The following STN1 variants were observed in gnomAD, a reference collection of about 807,000 sequenced individuals.
STN1 encodes the protein STN1 subunit of CST complex, also known as CST complex subunit STN1.
Under a neutral mutation model 45.5 loss-of-function variants are expected in STN1, and 29 were observed. The observed-to-expected ratio is 0.64, with a 90% CI of 0.47 to 0.87. STN1 has a LOEUF of 0.87. STN1 is among the 40% of genes least tolerant of loss of function. The pLI, the probability that STN1 is intolerant of heterozygous loss-of-function variation, is 0.00. For synonymous variants in STN1, 148 were observed against 159.0 expected, an observed-to-expected ratio of 0.93 and a Z score of 0.52; for missense variants, 376 against 441.4, an observed-to-expected ratio of 0.85 and a Z score of 1.33.
intron 2 of STN1, among the ~76,000 whole-genome samples, chr10:103,912,987 T>C (rs960228633): frequency 2.6e-5 from 4 of 152,228 alleles, no homozygotes; most frequent in Non-Finnish European, 5.9e-5. Flanking sequence ...CTGAAATGTC[T>C]TTCCAGTTGG....
chr10:103,891,089 C>G (rs1843136663), intron 8 of STN1, among the ~76,000 whole-genome samples: 1 of 152,224 alleles, frequency 6.6e-6, no homozygotes, highest in African/African-American at 2.4e-5. Context: ...TGACCAAAAG[C>G]TTAAATGGCC....
intron 8 of STN1, among the ~76,000 whole-genome samples, chr10:103,891,431 C>T (rs1843138790): frequency 6.6e-6 from 1 of 152,192 alleles, no homozygotes; most frequent in African/African-American, 2.4e-5. Context: ...AGATACCCGG[C>T]AATGTCCAGG....
intron 7 of STN1, 131 bp downstream of exon 7, chr10:103,897,417 T>C: frequency 1.3e-6 from 1 of 795,404 alleles, no homozygotes. Flanking sequence ...AAATAATGTG[T>C]GACAGAACCA....
At chr10:103,905,299 C>T (rs1369409371) in intron 3 of STN1, 143 bp from the exon 4 acceptor site, 1 of 731,832 alleles carries the variant, frequency 1.4e-6, no homozygotes, top group African/African-American at 1.7e-5. Flanking sequence ...TCTCCTTCCA[C>T]CTTTGAAACA....
rs1589494415 is a variant in STN1, at chr10:103,881,448, C to T, written c.*1236G>A. On this transcript the variant is annotated 3_prime_UTR_variant, in exon 10 of 10. Coordinates refer to ENST00000224950, the MANE Select transcript of STN1 (RefSeq NM_024928.5). ...ACACAGAGAAGATGCAGGGCAGCCACTACATAATCACTGTTAGAAATCAGC... is the reference window on the plus strand; with the variant it reads ...ACACAGAGAAGATGCAGGGCAGCCATTACATAATCACTGTTAGAAATCAGC... Among the ~76,000 whole-genome samples, 1 of 152,220 alleles carries T rather than the reference C, an allele frequency of 6.6e-6. No individual in the cohort carries two copies. Among genetic ancestry groups the T allele is most frequent in the Non-Finnish European group, 1.5e-5 (1 of 68,040 alleles).
rs991192480 is a variant in STN1, at chr10:103,899,115, T to C, written c.458-115A>G. 4 of 1,117,044 alleles carry C rather than the reference T, an allele frequency of 3.6e-6. No homozygotes were observed. In the East Asian group the frequency reaches 1.0e-4, roughly 29 times the overall value. 69.2% of individuals were successfully genotyped at this position (1,117,044 alleles called of 1,614,324 possible). On this transcript the variant is annotated intron_variant, in intron 5 of 9. Transcript: ENST00000224950. ...CAGTAAATGAGGTGCTGGGTGGGCCTCCTTCCTTGTGAGTGCCCAGGGATC... is the reference window on the plus strand; with the variant it reads ...CAGTAAATGAGGTGCTGGGTGGGCCCCCTTCCTTGTGAGTGCCCAGGGATC...
chr10:103,895,810 G>A (rs1356520229), intron 7 of STN1, among the ~76,000 whole-genome samples: 1 of 152,174 alleles, frequency 6.6e-6, no homozygotes, highest in Non-Finnish European at 1.5e-5. Flanking sequence ...TGTTGGTGAT[G>A]GCAAGAGATC....
intron 5 of STN1, among the ~76,000 whole-genome samples, chr10:103,899,738 G>T (rs959873498): frequency 2.0e-5 from 3 of 152,024 alleles, no homozygotes; most frequent in Non-Finnish European, 4.4e-5. Context: ...TTATTTTGAA[G>T]AATATTCATA....
At chr10:103,897,883 T>C (rs982414563) in intron 6 of STN1, among the ~76,000 whole-genome samples, 164 bp from the exon 7 acceptor site, 4 of 152,122 alleles carry the variant, frequency 2.6e-5, no homozygotes, top group African/African-American at 9.7e-5. Flanking sequence ...TTGTTTAAAA[T>C]GATGAGGCAG....
At position 103,917,676 on chromosome 10, in the gene STN1, G is replaced by C. The variant is rs1843343449; in HGVS notation, c.-62-20C>G. On this transcript the variant is annotated intron_variant, in intron 1 of 9. Transcript: ENST00000224950. ...AAGCATCTAGATGGGACACAGAAAT[G>C]AGGATGCAATGCGTTTAACGTGGGT... 2 of 1,504,364 alleles carry C rather than the reference G, an allele frequency of 1.3e-6. No individual in the cohort carries two copies. Among genetic ancestry groups the C allele is most frequent in the Non-Finnish European group, 1.8e-6 (2 of 1,108,256 alleles). 93.2% of individuals were successfully genotyped at this position (1,504,364 alleles called of 1,614,324 possible).
Position 103,881,785 on chromosome 10 carries a change from C to T in STN1, c.*899G>A, listed in dbSNP as rs781772750. Among the ~76,000 whole-genome samples, 3 of 152,192 alleles carry T rather than the reference C, an allele frequency of 2.0e-5. No homozygotes were observed. Among genetic ancestry groups the T allele is most frequent in the Admixed American group, 6.5e-5 (1 of 15,284 alleles). On this transcript the variant is annotated 3_prime_UTR_variant, in exon 10 of 10. Coordinates refer to ENST00000224950, the MANE Select transcript of STN1 (RefSeq NM_024928.5). ...CTGTCAGAACAGGCCTACAACATAC[C>T]TCAGATGTTTTTCCTTTACCTTGTC...
At chr10:103,909,426 A>ATATATGTATATATGTATATATATATG (rs1564635026) in intron 3 of STN1, among the ~76,000 whole-genome samples, 1 of 57,078 alleles carries the variant, frequency 1.8e-5, no homozygotes, top group Non-Finnish European at 3.2e-5. Flanking sequence ...GTATATATGT[A>ATATATGTATATATGTATATATATATG]TATATATGTA....
intron 7 of STN1, among the ~76,000 whole-genome samples, chr10:103,895,528 C>T (rs1349342510): frequency 2.6e-5 from 4 of 152,288 alleles, no homozygotes; most frequent in Middle Eastern, 6.8e-3. Context: ...ACAGCTGGAG[C>T]GCTGCAACTG....
chr10:103,909,502 G>GTATATATATGTGTGTA (rs1491025108), intron 3 of STN1, among the ~76,000 whole-genome samples: 14 of 41,876 alleles, frequency 3.3e-4, no homozygotes, highest in Non-Finnish European at 5.7e-4. Flanking sequence ...GTGTGTATAT[G>GTATATATATGTGTGTA]TATATATGTA....
rs1222933563 is a variant in STN1, at chr10:103,878,255, G to C, written c.*4429C>G. The C allele has an allele frequency of 6.6e-6, 1 of 152,226 alleles. No homozygotes were observed. The highest frequency in any genetic ancestry group is 1.5e-5 in the Non-Finnish European group (1 of 68,048). The allele number at this position is 152,226 out of a possible 1,614,324, so 9.4% of individuals were successfully genotyped here. On this transcript the variant is annotated 3_prime_UTR_variant, in exon 10 of 10. Coordinates refer to ENST00000224950, the MANE Select transcript of STN1 (RefSeq NM_024928.5). The stretch of plus-strand genomic sequence containing the variant: ...CTCCTGAAACATGTGCACACTAAGA[G>C]AACTGGAGAATGTTTGCTCAGTTTC...
At chr10:103,916,928 T>C (rs1429414066) in intron 2 of STN1, among the ~76,000 whole-genome samples, 1 of 152,234 alleles carries the variant, frequency 6.6e-6, no homozygotes, top group Admixed American at 6.5e-5. Flanking sequence ...AGACAGATGA[T>C]GTTCTTCCTC....
rs1338979823 is a variant in STN1 at position 103,881,958 on chromosome 10, C to T, written c.*726G>A. Among the ~76,000 whole-genome samples the T allele has an allele frequency of 6.6e-6, 1 of 152,228 alleles. No individual in the cohort carries two copies. Among genetic ancestry groups the T allele is most frequent in the Non-Finnish European group, 1.5e-5 (1 of 68,046 alleles). On this transcript the variant is annotated 3_prime_UTR_variant, in exon 10 of 10. Transcript: ENST00000224950. ...GCAATTGGCTGACTGCCTCCGTGAT[C>T]TTCAGGGGCATCGAGGGACAATGTA... is the stretch of plus-strand genomic sequence containing the variant.
At chr10:103,883,408 A>C (rs1843083765) in intron 9 of STN1, among the ~76,000 whole-genome samples, 1 of 151,832 alleles carries the variant, frequency 6.6e-6, no homozygotes, top group Non-Finnish European at 1.5e-5. Context: ...CTCTGCCCCA[A>C]ACTAAGACCA....
chr10:103,890,923 G>A (rs1218045199), intron 8 of STN1, among the ~76,000 whole-genome samples: 1 of 152,154 alleles, frequency 6.6e-6, no homozygotes, highest in East Asian at 1.9e-4. Flanking sequence ...GATGTCAGTG[G>A]TCCTGAGAAG....
Sources: allele counts gnomAD v4.1 joint callset (sites outside exome capture counted in the v4.1 genomes callset), GRCh38; gene constraint gnomAD v4.1.1; transcripts MANE v1.5; gene names NCBI Gene and HGNC (gene_info 2026-07-23, HGNC 2026-07-21).